Variants in RCL1 observed in about 807,000 individuals in gnomAD.
RCL1 encodes RNA 3'-terminal phosphate cyclase-like protein.
In RCL1, 24 loss-of-function variants were observed where a neutral mutation model predicts 42.4. That is an observed-to-expected ratio of 0.57 (90% confidence interval 0.41 to 0.80). The LOEUF (loss-of-function observed/expected upper bound fraction) is 0.80. Ranked by LOEUF, RCL1 falls within the 30% of genes least tolerant of loss-of-function variation. The pLI, the probability that RCL1 is intolerant of heterozygous loss-of-function variation, is 0.00. For synonymous variants in RCL1, 228 were observed against 177.3 expected, an observed-to-expected ratio of 1.29 and a Z score of -2.27; for missense variants, 578 against 467.9, an observed-to-expected ratio of 1.24 and a Z score of -2.17.
At chr9:4,848,315 T>C (rs1170040265) in intron 7 of RCL1, among the ~76,000 whole-genome samples, 1 of 152,244 alleles carries the variant, frequency 6.6e-6, no homozygotes, top group Non-Finnish European at 1.5e-5. Flanking sequence ...TAGATTTTCA[T>C]AAAGGCTAGC....
intron 1 of RCL1, among the ~76,000 whole-genome samples, chr9:4,800,551 T>C (rs1842983283): frequency 6.6e-6 from 1 of 152,012 alleles, no homozygotes; most frequent in Non-Finnish European, 1.5e-5. Context: ...ATAGTCTTCC[T>C]TTCTCTGGAA....
chr9:4,844,036 C>CT (rs1405946754), intron 6 of RCL1, among the ~76,000 whole-genome samples: 11 of 152,154 alleles, frequency 7.2e-5, no homozygotes, highest in African/African-American at 2.7e-4. Flanking sequence ...CCTTAAGAAT[C>CT]TAAGGACTGA....
rs534958037 is a variant in RCL1, at chr9:4,837,486, T to C, written c.584+3221T>C. Among the ~76,000 whole-genome samples the C allele has an allele frequency of 1.2e-4, 18 of 152,290 alleles. No homozygotes were observed. In the East Asian group the frequency reaches 2.7e-3, roughly 23 times the overall value. ...CCTTATTTGAGATGTGTTTCCTTAA[T>C]GCTGTATTGGCGGCCGTGAACTTTG... On this transcript the variant is annotated intron_variant, in intron 5 of 8. Coordinates refer to ENST00000381750, the MANE Select transcript of RCL1 (RefSeq NM_005772.5).
intron 2 of RCL1, among the ~76,000 whole-genome samples, chr9:4,826,429 A>T (rs983646554): frequency 5.3e-5 from 8 of 150,786 alleles, no homozygotes; most frequent in Admixed American, 1.3e-4. Context: ...TGTTTGGTGA[A>T]TGAGGTATAT....
At chr9:4,841,130 C>T (rs906245878) in intron 5 of RCL1, 102 bp from the exon 6 acceptor site, 5 of 1,225,590 alleles carry the variant, frequency 4.1e-6, no homozygotes, top group South Asian at 2.7e-5. Context: ...TTTGGAAGTC[C>T]CAGTTTGTTA....
intron 3 of RCL1, 148 bp downstream of exon 3, chr9:4,827,181 C>G: frequency 1.3e-6 from 2 of 1,546,278 alleles, no homozygotes; most frequent in Non-Finnish European, 1.7e-6. Flanking sequence ...AGGTTAATCA[C>G]TCCAGGAGGC....
At chr9:4,808,371 G>C (rs1313569444) in intron 1 of RCL1, among the ~76,000 whole-genome samples, 1 of 151,506 alleles carries the variant, frequency 6.6e-6, no homozygotes, top group Non-Finnish European at 1.5e-5. Flanking sequence ...GCAGTGGTGT[G>C]ATCTCGCCTC....
chr9:4,806,452 G>A (rs899461567), intron 1 of RCL1, among the ~76,000 whole-genome samples: 1 of 151,976 alleles, frequency 6.6e-6, no homozygotes, highest in Admixed American at 6.5e-5. Context: ...GTTGTATTTT[G>A]TCCAATGCTT....
chr9:4,800,588 G>A lies in RCL1; in HGVS notation c.136+7361G>A, dbSNP rs143152860. On this transcript the variant is annotated intron_variant, in intron 1 of 8. Coordinates refer to ENST00000381750, the MANE Select transcript of RCL1 (RefSeq NM_005772.5). ...AAATGCCCAGGAGTGCTCTTGCAGG[G>A]TTGTATGGTAGTTGCATGTTTAGTT... 2.5e-3 allele frequency among the ~76,000 whole-genome samples: 378 copies of A among 151,492 alleles called. 1 individual carries two copies. Among genetic ancestry groups the A allele is most frequent in the African/African-American group, 8.5e-3 (351 of 41,328 alleles).
At chr9:4,838,003 A>G (rs1387300383) in intron 5 of RCL1, among the ~76,000 whole-genome samples, 1 of 152,160 alleles carries the variant, frequency 6.6e-6, no homozygotes, top group Non-Finnish European at 1.5e-5. Context: ...CCATTTCACA[A>G]ACACCTCAAA....
chr9:4,820,641 A>T (rs1228770624), intron 1 of RCL1, among the ~76,000 whole-genome samples: 1 of 152,168 alleles, frequency 6.6e-6, no homozygotes. Context: ...CTTTATTTGT[A>T]GGTGCTTGTT....
intron 1 of RCL1, among the ~76,000 whole-genome samples, chr9:4,805,897 G>C (rs1024575154): frequency 4.6e-5 from 7 of 152,150 alleles, no homozygotes; most frequent in Non-Finnish European, 8.8e-5. Flanking sequence ...TACAAGTACA[G>C]TACATGTTTT....
At chr9:4,857,428 G>C (rs370020425) in intron 8 of RCL1, among the ~76,000 whole-genome samples, 61 of 150,554 alleles carry the variant, frequency 4.1e-4, no homozygotes, top group Admixed American at 1.7e-3. Flanking sequence ...GATGTAGCAC[G>C]TATCAGTGCT....
At chr9:4,818,891 AAAAG>A (rs1816489165) in intron 1 of RCL1, among the ~76,000 whole-genome samples, 2 of 152,104 alleles carry the variant, frequency 1.3e-5, no homozygotes, top group South Asian at 2.1e-4. Flanking sequence ...AAAAAAAAGA[AAAAG>A]AAATTGAAAT....
chr9:4,834,460 A>G (rs905327504), intron 5 of RCL1, among the ~76,000 whole-genome samples, 195 bp downstream of exon 5: 3 of 143,250 alleles, frequency 2.1e-5, no homozygotes, highest in African/African-American at 7.7e-5. Context: ...GACTAGATTG[A>G]TTGAGTCATT....
rs1381210742 is a variant in RCL1 at position 4,826,886 on chromosome 9, C to G, written c.237C>G (p.Leu79=). 1 of 1,614,096 alleles carries G rather than the reference C, an allele frequency of 6.2e-7. No homozygotes were observed. Among genetic ancestry groups the G allele is most frequent in the Non-Finnish European group, 8.5e-7 (1 of 1,179,982 alleles). Residue 79 remains leucine, a synonymous_variant, in exon 3 of 9, where the codon CTC becomes CTG. Transcript: ENST00000381750. The part of the protein sequence containing the change: ...TGTTLYYQPG[L]LYGGSVEHDC... ...CAACCTTATATTATCAGCCTGGCCT[C>G]CTGTATGGTGGATCTGTGGAACATG...
At chr9:4,815,074 CTA>C (rs2130987686) in intron 1 of RCL1, among the ~76,000 whole-genome samples, 1 of 152,222 alleles carries the variant, frequency 6.6e-6, no homozygotes, top group African/African-American at 2.4e-5. Flanking sequence ...GACAGTTTAA[CTA>C]TTAATATGCC....
chr9:4,857,785 T>C (rs1818012848), intron 8 of RCL1, among the ~76,000 whole-genome samples: 1 of 152,198 alleles, frequency 6.6e-6, no homozygotes, highest in South Asian at 2.1e-4. Context: ...TGTTATTGTA[T>C]GTCTTTTTAT....
chr9:4,841,433 G>A, intron 6 of RCL1, 76 bp downstream of exon 6: 2 of 1,191,306 alleles, frequency 1.7e-6, no homozygotes, highest in Middle Eastern at 2.2e-4. Flanking sequence ...AAAACTGCCA[G>A]CTCTGAGGTT....
Sources: allele counts gnomAD v4.1 joint callset (sites outside exome capture counted in the v4.1 genomes callset), GRCh38; gene constraint gnomAD v4.1.1; transcripts MANE v1.5; gene names NCBI Gene and HGNC (gene_info 2026-07-23, HGNC 2026-07-21).